COL28A1: variants seen among roughly 807,000 people sequenced by gnomAD.
COL28A1 encodes collagen alpha-1(XXVIII) chain.
In COL28A1, 161 loss-of-function variants were observed where a neutral mutation model predicts 150.2. The ratio of observed to expected loss-of-function variants is 1.07; its 90% CI spans 0.94 to 1.22. The LOEUF (loss-of-function observed/expected upper bound fraction) is 1.22. Ranked by LOEUF, COL28A1 falls within the 50% of genes most tolerant of loss-of-function variation. The pLI is 0.00. For synonymous variants in COL28A1, 552 were observed against 469.7 expected (o/e 1.18, Z -2.26); for missense variants, 1,617 against 1,388.3 (o/e 1.16, Z -2.62).
intron 27 of COL28A1, among the ~76,000 whole-genome samples, chr7:7,395,457 C>T (rs980584505): frequency 5.9e-5 from 9 of 152,230 alleles, no homozygotes; most frequent in African/African-American, 1.4e-4. Flanking sequence ...TTTTGCAAAA[C>T]GAAAAATGGC....
At chr7:7,410,834 T>C (rs1329157659) in intron 27 of COL28A1, among the ~76,000 whole-genome samples, 1 of 152,230 alleles carries the variant, frequency 6.6e-6, no homozygotes, top group Non-Finnish European at 1.5e-5. Flanking sequence ...TTAACCCTTC[T>C]GCAGGTACTT....
chr7:7,477,646 C>T (rs1214085563), intron 13 of COL28A1, among the ~76,000 whole-genome samples: 1 of 152,190 alleles, frequency 6.6e-6, no homozygotes, highest in Non-Finnish European at 1.5e-5. Context: ...GTCTCGCTGG[C>T]TTCAGGAGTG....
chr7:7,493,314 G>C (rs1299049457), intron 11 of COL28A1, among the ~76,000 whole-genome samples: 2 of 152,012 alleles, frequency 1.3e-5, no homozygotes, highest in Admixed American at 1.3e-4. Context: ...TGTTTGATCA[G>C]AAACAAACCA....
At chr7:7,375,382 C>T (rs983599010) in intron 31 of COL28A1, 79 bp downstream of exon 31, 21 of 1,315,254 alleles carry the variant, frequency 1.6e-5, no homozygotes, top group Middle Eastern at 2.0e-4. Context: ...TACATCTGGA[C>T]GAACACATTC....
intron 27 of COL28A1, among the ~76,000 whole-genome samples, chr7:7,402,983 C>G (rs1323956084): frequency 6.6e-6 from 1 of 152,090 alleles, no homozygotes; most frequent in South Asian, 2.1e-4. Flanking sequence ...GCTCAGTATA[C>G]ACAATAAACA....
intron 9 of COL28A1, among the ~76,000 whole-genome samples, 159 bp from the exon 10 acceptor site, chr7:7,507,320 C>A (rs1237222664): frequency 6.6e-6 from 1 of 152,072 alleles, no homozygotes; most frequent in Admixed American, 6.6e-5. Context: ...ATTAACAAGC[C>A]AAGGGGTAGG....
At position 7,420,991 on chromosome 7, in the gene COL28A1, T is replaced by C. The variant is rs188815211; in HGVS notation, c.1999-1038A>G. ...GATACAGTCATTTCACTCCTACATA[T>C]ACACCCAAAGAAAATAAAAATGTAT... On this transcript the variant is annotated intron_variant, in intron 25 of 34. Coordinates refer to ENST00000399429, the MANE Select transcript of COL28A1 (RefSeq NM_001037763.3). 2.6e-3 allele frequency among the ~76,000 whole-genome samples: 389 copies of C among 152,274 alleles called. 1 individual carries two copies. Among genetic ancestry groups the C allele is most frequent in the African/African-American group, 8.9e-3 (368 of 41,546 alleles).
intron 13 of COL28A1, among the ~76,000 whole-genome samples, chr7:7,477,743 A>T (rs1789026723): frequency 1.3e-5 from 2 of 152,222 alleles, no homozygotes; most frequent in African/African-American, 2.4e-5. Flanking sequence ...TACAGCAAAC[A>T]GCAAAAGAAC....
intron 22 of COL28A1, 97 bp from the exon 23 acceptor site, chr7:7,436,560 A>T: frequency 1.3e-6 from 1 of 786,774 alleles, no homozygotes; most frequent in Non-Finnish European, 2.3e-6. Flanking sequence ...TAAAGAGCTT[A>T]ATCTGTCCAT....
At chr7:7,389,753 G>C (rs1271804243) in intron 27 of COL28A1, among the ~76,000 whole-genome samples, 1 of 152,048 alleles carries the variant, frequency 6.6e-6, no homozygotes, top group Non-Finnish European at 1.5e-5. Context: ...TATTCTCTTT[G>C]TAGCAATTGT....
At chr7:7,374,032 A>AT (rs1554260700) in intron 31 of COL28A1, among the ~76,000 whole-genome samples, 37 of 71,940 alleles carry the variant, frequency 5.1e-4, no homozygotes, top group Admixed American at 1.5e-3. Flanking sequence ...CTTAAAAAAA[A>AT]AAAAAAATAT....
intron 23 of COL28A1, among the ~76,000 whole-genome samples, chr7:7,433,871 T>C (rs1417691296): frequency 6.6e-6 from 1 of 152,132 alleles, no homozygotes; most frequent in Non-Finnish European, 1.5e-5. Flanking sequence ...AGGCAGACCT[T>C]TGTTTTGCAA....
At chr7:7,461,040 T>G (rs1279074836) in intron 15 of COL28A1, among the ~76,000 whole-genome samples, 1 of 152,202 alleles carries the variant, frequency 6.6e-6, no homozygotes, top group Non-Finnish European at 1.5e-5. Context: ...CTGAAGGGAA[T>G]GGATTGCTCC....
At chr7:7,424,823 A>G (rs1176327247) in intron 25 of COL28A1, among the ~76,000 whole-genome samples, 1 of 152,180 alleles carries the variant, frequency 6.6e-6, no homozygotes, top group Admixed American at 6.5e-5. Context: ...GGAAACGGCC[A>G]AATTCAGGAC....
rs148440056 is a variant in COL28A1 at position 7,366,797 on chromosome 7, C to T, written c.3066+3928G>A. Among the ~76,000 whole-genome samples the T allele has an allele frequency of 5.7e-3, 874 of 152,290 alleles. 12 individuals carry two copies. Among genetic ancestry groups the T allele is most frequent in the African/African-American group, 0.02 (835 of 41,538 alleles). On this transcript the variant is annotated intron_variant, in intron 33 of 34. Transcript: ENST00000399429. ...TACTTCTGAGATCATTGTTTACTAG[C>T]TTTGCAGTATTGCCTAGGGTAGGCT...
chr7:7,436,272 A>T (rs1785334901), intron 23 of COL28A1, 123 bp downstream of exon 23: 1 of 709,344 alleles, frequency 1.4e-6, no homozygotes. Flanking sequence ...GGGAATAGCT[A>T]TATTCTTACA....
At chr7:7,404,994 T>C (rs1478260230) in intron 27 of COL28A1, among the ~76,000 whole-genome samples, 1 of 152,138 alleles carries the variant, frequency 6.6e-6, no homozygotes, top group African/African-American at 2.4e-5. Flanking sequence ...AACAATCCTC[T>C]GGCCTCAGCC....
intron 16 of COL28A1, among the ~76,000 whole-genome samples, chr7:7,455,021 A>G (rs903684113): frequency 6.6e-6 from 1 of 152,184 alleles, no homozygotes. Flanking sequence ...AAGAAAAGTA[A>G]TAATAATAAT....
Position 7,440,704 on chromosome 7 carries a change from C to CA in COL28A1, c.1722+85dup, listed in dbSNP as rs1785703440. On this transcript the variant is annotated intron_variant, in intron 21 of 34. Coordinates refer to ENST00000399429, the MANE Select transcript of COL28A1 (RefSeq NM_001037763.3). The stretch of plus-strand genomic sequence containing the variant: ...CTTGTTGGGAAGGAAACAAGGAATC[C>CA]AATTTTCAGTGGAAATTTAATACTA... 5.0e-6 allele frequency: 3 copies of CA among 598,654 alleles called. No individual in the cohort carries two copies. The South Asian group carries it at 8.6e-5, about 17-fold the overall frequency. 37.1% of individuals were successfully genotyped at this position (598,654 alleles called of 1,614,324 possible). A position where few individuals can be genotyped will look rare whatever the true frequency, so the allele number is the denominator to read the frequency against.
Sources: gnomAD v4.1 joint callset for allele counts (sites outside exome capture counted in the v4.1 genomes callset) on GRCh38, gnomAD v4.1.1 for gene constraint, MANE v1.5 for transcripts, NCBI Gene and HGNC (gene_info 2026-07-23, HGNC 2026-07-21) for gene names.